Variants in EPN2 observed in about 807,000 individuals in gnomAD.
The protein encoded by EPN2 is epsin-2.
A neutral mutation model predicts 61.7 loss-of-function variants in EPN2; 34 were observed. That is an observed-to-expected ratio of 0.55 (90% confidence interval 0.42 to 0.73). EPN2 has a LOEUF of 0.73. EPN2 is among the 30% of genes least tolerant of loss of function. The pLI is 0.00. For missense variants in EPN2, 714 were observed against 839.2 expected (o/e 0.85, Z 1.84); for synonymous variants, 349 against 353.6 (o/e 0.99, Z 0.15).
chr17:19,281,465 T>G (rs2045358392), intron 1 of EPN2, among the ~76,000 whole-genome samples: 1 of 152,260 alleles, frequency 6.6e-6, no homozygotes, highest in African/African-American at 2.4e-5. Flanking sequence ...TTGCATTTCC[T>G]GTGGCTTTTC....
chr17:19,271,988 G>A (rs1186549912), intron 1 of EPN2, among the ~76,000 whole-genome samples: 1 of 152,208 alleles, frequency 6.6e-6, no homozygotes, highest in Non-Finnish European at 1.5e-5. Flanking sequence ...ACATCCACCA[G>A]CCAGGTCTAA....
At chr17:19,239,768 C>A (rs2044863023) in intron 1 of EPN2, among the ~76,000 whole-genome samples, 2 of 152,230 alleles carry the variant, frequency 1.3e-5, no homozygotes, top group African/African-American at 4.8e-5. Flanking sequence ...CTGTGGAAAA[C>A]TTCCAGCAGT....
intron 1 of EPN2, among the ~76,000 whole-genome samples, chr17:19,250,167 G>A (rs751214945): frequency 6.6e-6 from 1 of 151,230 alleles, no homozygotes; most frequent in Admixed American, 6.6e-5. Flanking sequence ...CTATCTCGGC[G>A]CACTGCAACC....
Position 19,333,962 on chromosome 17 carries a change from C to G in EPN2, c.1634C>G (p.Pro545Arg), listed in dbSNP as rs759706196. The G allele has an allele frequency of 3.9e-6, 6 of 1,539,178 alleles. No homozygotes were observed. The highest frequency in any genetic ancestry group is 8.8e-7 in the Non-Finnish European group (1 of 1,137,700). Residue 545 changes from proline to arginine, a missense_variant, in exon 11 of 11, where the codon CCC becomes CGC. By Grantham distance (103) the Pro-to-Arg change is moderately radical. Around this residue, in one of 2 missense-constraint regions of EPN2, gnomAD observed 410 missense variants for 421.8 expected, o/e 0.97. Coordinates refer to ENST00000314728, the MANE Select transcript of EPN2 (RefSeq NM_014964.5). ...SLNPFLAPGA[P>R]ATSAPVNPFQ... Reference sequence around the variant, plus strand: ...CCTCCTTCTGTCTCCCCAGGTGCTCCCGCCACCTCGGCCCCTGTTAACCCT... The same window carrying G: ...CCTCCTTCTGTCTCCCCAGGTGCTCGCGCCACCTCGGCCCCTGTTAACCCT...
intron 5 of EPN2, among the ~76,000 whole-genome samples, chr17:19,311,151 T>C (rs1007891851): frequency 1.3e-5 from 2 of 152,148 alleles, no homozygotes; most frequent in African/African-American, 4.8e-5. Context: ...ACTGGCAACA[T>C]TCTAAAGCTC....
chr17:19,299,654 A>G (rs2152225710), intron 4 of EPN2, among the ~76,000 whole-genome samples: 1 of 152,376 alleles, frequency 6.6e-6, no homozygotes, highest in East Asian at 1.9e-4. Context: ...GTTTAATAAC[A>G]GCCCGAAGAG....
chr17:19,312,161 A>T lies in EPN2; in HGVS notation c.972+17A>T. On this transcript the variant is annotated intron_variant, in intron 6 of 10. Transcript: ENST00000314728. ...AAGAAAGAGGTAAGAGCTTGCTGGG[A>T]GGGTAGATGTTTCACCCTGTCCTGT... is the stretch of plus-strand genomic sequence containing the variant. The T allele has an allele frequency of 1.3e-6, 2 of 1,586,932 alleles. No individual in the cohort carries two copies. Among genetic ancestry groups the T allele is most frequent in the Non-Finnish European group, 8.7e-7 (1 of 1,155,642 alleles).
At chr17:19,245,346 T>G (rs1393864398) in intron 1 of EPN2, among the ~76,000 whole-genome samples, 1 of 152,084 alleles carries the variant, frequency 6.6e-6, no homozygotes, top group Non-Finnish European at 1.5e-5. Context: ...CACACTGGTG[T>G]GGGTACTAAG....
rs779773301 is a variant in EPN2 at position 19,285,701 on chromosome 17, G to A, written c.677G>A (p.Arg226His). 5.0e-6 allele frequency: 8 copies of A among 1,595,164 alleles called. No homozygotes were observed. Among genetic ancestry groups the A allele is most frequent in the South Asian group, 3.4e-5 (3 of 88,146 alleles). ...QSEELQPLSQ[R>H]HPFLPHLGLA... ...GAGGAGCTGCAGCCACTGAGCCAGC[G>A]CCACCCCTTCCTGCCGCACCTGGGG... Residue 226 changes from arginine to histidine, a missense_variant, in exon 4 of 11, where the codon CGC becomes CAC. Physicochemically the swap from Arg to His is conservative, Grantham distance 29 (BLOSUM62 0). This residue lies in a region of EPN2 where 304 missense variants were observed against 417.4 expected (regional missense o/e 0.73). Coordinates refer to ENST00000314728, the MANE Select transcript of EPN2 (RefSeq NM_014964.5). The surrounding 1 kb of genome is among the most constrained non-coding windows in gnomAD (Gnocchi z 4.5).
At chr17:19,328,124 C>T (rs758109506) in intron 7 of EPN2, among the ~76,000 whole-genome samples, 7 of 152,118 alleles carry the variant, frequency 4.6e-5, no homozygotes, top group Non-Finnish European at 7.3e-5. Flanking sequence ...TTGTCACTCC[C>T]TGTTTGAAAG....
Position 19,282,960 on chromosome 17 carries a change from C to T in EPN2, c.-160C>T. 1 of 608,692 alleles carries T rather than the reference C, an allele frequency of 1.6e-6. No homozygotes were observed. Among genetic ancestry groups the T allele is most frequent in the Non-Finnish European group, 2.9e-6 (1 of 349,054 alleles). The allele number at this position is 608,692 out of a possible 1,614,324, so 37.7% of individuals were successfully genotyped here. ...TTTCTCTTTCTCTAGGTCATGGCTTCCAGCTTTTCGAATCTGAGGCTCCAA... is the reference window on the plus strand; with the variant it reads ...TTTCTCTTTCTCTAGGTCATGGCTTTCAGCTTTTCGAATCTGAGGCTCCAA... On this transcript the variant is annotated 5_prime_UTR_variant, in exon 3 of 11. Transcript: ENST00000314728.
At position 19,283,349 on chromosome 17, in the gene EPN2, C is replaced by G. The variant is rs1343494489; in HGVS notation, c.230C>G (p.Ala77Gly). 2 of 1,614,064 alleles carry G rather than the reference C, an allele frequency of 1.2e-6. No individual in the cohort carries two copies. Among genetic ancestry groups the G allele is most frequent in the Non-Finnish European group, 1.7e-6 (2 of 1,179,968 alleles). Reference protein sequence around the residue: ...HGKNWRHVYKALTLLDYLIKT... With the variant: ...HGKNWRHVYKGLTLLDYLIKT... ...AAGAACTGGCGGCATGTGTACAAGG[C>G]GCTGACCCTGCTGGACTACCTCATC... is the stretch of plus-strand genomic sequence containing the variant. Residue 77 changes from alanine (A) to glycine (G), a missense_variant, in exon 3 of 11, where the codon GCG becomes GGG. Ala to Gly is a moderately conservative substitution (Grantham distance 60). Around this residue, in one of 2 missense-constraint regions of EPN2, gnomAD observed 304 missense variants for 417.4 expected, o/e 0.73. Coordinates refer to ENST00000314728, the MANE Select transcript of EPN2 (RefSeq NM_014964.5). This position sits in a 1 kb window ranked among gnomAD's most constrained non-coding sequence, Gnocchi z 7.0.
At chr17:19,274,473 T>C (rs1409062090) in intron 1 of EPN2, 2 of 152,256 alleles carry the variant, frequency 1.3e-5, no homozygotes, top group Non-Finnish European at 2.9e-5. Context: ...ATTTATTGAT[T>C]GGGACTGGGT....
chr17:19,335,147 G>A lies in EPN2; in HGVS notation c.*893G>A. 2 of 304,556 alleles carry A rather than the reference G, an allele frequency of 6.6e-6. No individual in the cohort carries two copies. The highest frequency in any genetic ancestry group is 1.2e-5 in the Non-Finnish European group (2 of 167,216). 18.9% of individuals were successfully genotyped at this position (304,556 alleles called of 1,614,324 possible). On this transcript the variant is annotated 3_prime_UTR_variant, in exon 11 of 11. Transcript: ENST00000314728. The stretch of plus-strand genomic sequence containing the variant: ...TTATAGGAAGAAAATATGGGAATTT[G>A]ATTACACATAGATGATGATGTTTAT...
intron 7 of EPN2, among the ~76,000 whole-genome samples, chr17:19,320,416 G>A (rs1906587954): frequency 1.3e-5 from 2 of 152,190 alleles, no homozygotes; most frequent in South Asian, 4.1e-4. Context: ...ACTCAGGCTT[G>A]TAAGTCTGAG....
At position 19,238,224 on chromosome 17, in the gene EPN2, C is replaced by T. The variant is rs376636430; in HGVS notation, c.-294+693C>T. Among the ~76,000 whole-genome samples, 7 of 152,368 alleles carry T rather than the reference C, an allele frequency of 4.6e-5. No individual in the cohort carries two copies. The East Asian group carries it at 7.7e-4, about 17-fold the overall frequency. The stretch of plus-strand genomic sequence containing the variant: ...CAGAGACCCACCCGGCCCGGCGGTC[C>T]TGCTCGGCTGATCCGGGTGGGTGAA... On this transcript the variant is annotated intron_variant, in intron 1 of 10. Coordinates refer to ENST00000314728, the MANE Select transcript of EPN2 (RefSeq NM_014964.5).
At chr17:19,331,761 C>T in intron 9 of EPN2, 92 bp from the exon 10 acceptor site, 1 of 1,092,628 alleles carries the variant, frequency 9.2e-7, no homozygotes, top group Non-Finnish European at 1.4e-6. Context: ...GTCAGGCAGG[C>T]ATGTCCCCAG....
intron 4 of EPN2, among the ~76,000 whole-genome samples, chr17:19,295,364 A>ACACGCG (rs1475802689): frequency 2.4e-5 from 2 of 81,764 alleles, no homozygotes; most frequent in Non-Finnish European, 7.9e-5. Flanking sequence ...ACACACACAC[A>ACACGCG]CACGCGCGTG....
intron 10 of EPN2, among the ~76,000 whole-genome samples, chr17:19,333,120 T>C (rs1327829790): frequency 6.6e-6 from 1 of 152,158 alleles, no homozygotes; most frequent in African/African-American, 2.4e-5. Flanking sequence ...TAGATTAGTT[T>C]CCAGCCTCCT....
Sources: allele counts gnomAD v4.1 joint callset (sites outside exome capture counted in the v4.1 genomes callset), GRCh38; gene constraint gnomAD v4.1.1; regional missense constraint gnomAD v4.1.1; non-coding constraint Gnocchi (gnomAD v3.1); transcripts MANE v1.5; gene names NCBI Gene and HGNC (gene_info 2026-07-23, HGNC 2026-07-21).